The following VPS45 variants were observed in gnomAD, a reference collection of about 807,000 sequenced individuals.
VPS45 encodes vacuolar protein sorting-associated protein 45.
VPS45 carries 35 observed loss-of-function variants against 75.9 expected under a neutral mutation model. The observed-to-expected ratio is 0.46, with a 90% CI of 0.35 to 0.61. VPS45 has a LOEUF of 0.61. Among genes scored for constraint, VPS45 ranks in the 20% least tolerant of loss-of-function variants. VPS45 has a pLI of 0.00. For synonymous variants in VPS45, 220 were observed against 238.2 expected (o/e 0.92, Z 0.70); for missense variants, 559 against 685.9 (o/e 0.81, Z 2.07).
intron 3 of VPS45, among the ~76,000 whole-genome samples, chr1:150,072,976 TG>T (rs1655167915): frequency 1.3e-5 from 2 of 152,172 alleles, no homozygotes; most frequent in Non-Finnish European, 2.9e-5. Context: ...CACTTCTCTT[TG>T]TTACTATATT....
intron 14 of VPS45, among the ~76,000 whole-genome samples, chr1:150,139,162 TTGC>T (rs1553814585): frequency 1.3e-5 from 2 of 152,162 alleles, no homozygotes; most frequent in Non-Finnish European, 2.9e-5. Flanking sequence ...TCACATCTTT[TTGC>T]AGAACCCTCC....
intron 2 of VPS45, among the ~76,000 whole-genome samples, chr1:150,071,715 G>A (rs1385224655): frequency 1.3e-5 from 2 of 151,276 alleles, no homozygotes; most frequent in African/African-American, 2.4e-5. Flanking sequence ...TTGAACCCAG[G>A]AGACGGAGGT....
chr1:150,102,246 A>AC (rs1657073300), intron 13 of VPS45, among the ~76,000 whole-genome samples: 1 of 149,428 alleles, frequency 6.7e-6, no homozygotes, highest in African/African-American at 2.5e-5. Context: ...AAAAAAAAAA[A>AC]AAAAAAAACA....
intron 2 of VPS45, 28 bp downstream of exon 2, chr1:150,068,792 C>G: frequency 1.3e-6 from 2 of 1,560,522 alleles, no homozygotes; most frequent in South Asian, 2.4e-5. Context: ...CTTCCATCTG[C>G]CCAGGCAGAT....
intron 14 of VPS45, among the ~76,000 whole-genome samples, chr1:150,135,628 C>G (rs1357714946): frequency 1.3e-5 from 2 of 151,648 alleles, no homozygotes; most frequent in African/African-American, 4.8e-5. Flanking sequence ...ATATACCAAT[C>G]TGGACTACAC....
At chr1:150,123,354 T>C (rs1479188054) in intron 14 of VPS45, among the ~76,000 whole-genome samples, 1 of 152,194 alleles carries the variant, frequency 6.6e-6, no homozygotes, top group Admixed American at 6.5e-5. Flanking sequence ...TTGTGTGCGT[T>C]AATAGGGTTT....
At chr1:150,120,744 AT>A (rs1658188675) in intron 14 of VPS45, among the ~76,000 whole-genome samples, 1 of 152,074 alleles carries the variant, frequency 6.6e-6, no homozygotes, top group Non-Finnish European at 1.5e-5. Context: ...GCCTGCTCTG[AT>A]TAGCTGTAAT....
Position 150,091,945 on chromosome 1 carries a change from A to G in VPS45, c.1113A>G (p.Lys371=). 1 of 1,612,542 alleles carries G rather than the reference A, an allele frequency of 6.2e-7. No homozygotes were observed. The highest frequency in any genetic ancestry group is 8.5e-7 in the Non-Finnish European group (1 of 1,179,522). The change falls in exon 11 of 15, where the codon AAA becomes AAG. Residue 371 remains lysine (K), a synonymous_variant. Transcript: ENST00000644510. ...NDHSSALQNI[K]RLLQNPKVTE... ...GTTCTATCTTTCTTCAGAATATAAA[A>G]AGGCTTCTGCAGAACCCCAAAGTGA...
rs1020712230 is a variant in VPS45, at chr1:150,125,451, G to A, written c.1625+14824G>A. ...TATACATGTGCCATGTTGGTGTGCT[G>A]CACCCATTAACTCATCATTTAAAAA... On this transcript the variant is annotated intron_variant, in intron 14 of 14. Transcript: ENST00000644510. Among the ~76,000 whole-genome samples, 4 of 151,214 alleles carry A rather than the reference G, an allele frequency of 2.6e-5. No homozygotes were observed. The South Asian group carries it at 6.3e-4, about 24-fold the overall frequency.
rs146717221 is a variant in VPS45, at chr1:150,086,466, T to G, written c.1104+3583T>G. On this transcript the variant is annotated intron_variant, in intron 10 of 14. Transcript: ENST00000644510. ...CAGTGATAGCCTTGTATCTCTCTGA[T>G]TTCAGAAAAGTGTTTGGTTTTTTTG... Among the ~76,000 whole-genome samples the G allele has an allele frequency of 7.0e-3, 1,068 of 152,112 alleles. 8 individuals are homozygous for G. The highest frequency in any genetic ancestry group is 0.034 in the Middle Eastern group (10 of 294).
At chr1:150,086,794 C>T (rs1456256511) in intron 10 of VPS45, among the ~76,000 whole-genome samples, 1 of 152,014 alleles carries the variant, frequency 6.6e-6, no homozygotes. Context: ...TTTATATTCC[C>T]ACAACACTGT....
At chr1:150,144,117 A>AT (rs1659550129) in intron 14 of VPS45, among the ~76,000 whole-genome samples, 1 of 4,458 alleles carries the variant, frequency 2.2e-4, no homozygotes, top group Non-Finnish European at 6.4e-4. Context: ...TTTATTTTTT[A>AT]ATTTTTTTTT....
intron 1 of VPS45, 69 bp from the exon 2 acceptor site, chr1:150,068,561 G>A: frequency 2.9e-6 from 4 of 1,356,210 alleles, no homozygotes; most frequent in Non-Finnish European, 2.9e-6. Context: ...GAAAAAAGAG[G>A]GTTAGATGTG....
intron 14 of VPS45, among the ~76,000 whole-genome samples, chr1:150,128,763 A>G (rs1170574361): frequency 6.6e-6 from 1 of 150,766 alleles, no homozygotes; most frequent in Non-Finnish European, 1.5e-5. Flanking sequence ...TCAGTGAGAC[A>G]GAGTCTCGCT....
Sources: allele counts gnomAD v4.1 joint callset (sites outside exome capture counted in the v4.1 genomes callset), GRCh38; gene constraint gnomAD v4.1.1; transcripts MANE v1.5; gene names NCBI Gene and HGNC (gene_info 2026-07-23, HGNC 2026-07-21).